The following MAP2K6 variants were observed in gnomAD, a reference collection of about 807,000 sequenced individuals.
MAP2K6 encodes the protein mitogen-activated protein kinase kinase 6, also known as dual specificity mitogen-activated protein kinase kinase 6.
In MAP2K6, 16 loss-of-function variants were observed where a neutral mutation model predicts 53.7. That is an observed-to-expected ratio of 0.30 (90% CI 0.20 to 0.45). The LOEUF (loss-of-function observed/expected upper bound fraction) is 0.45, where lower values mean the gene tolerates loss of function less well. Among genes scored for constraint, MAP2K6 ranks in the 20% least tolerant of loss-of-function variants. The pLI is 1.00. For synonymous variants in MAP2K6, 132 were observed against 143.1 expected (o/e 0.92, Z 0.55); for missense variants, 204 against 411.9 (o/e 0.50, Z 4.37).
chr17:69,483,584 A>G (rs1325272325), intron 1 of MAP2K6, among the ~76,000 whole-genome samples: 1 of 152,098 alleles, frequency 6.6e-6, no homozygotes, highest in African/African-American at 2.4e-5. Flanking sequence ...ACTTCTTTGC[A>G]GAAATTGATA....
At chr17:69,530,783 G>A (rs756571860) in intron 10 of MAP2K6, among the ~76,000 whole-genome samples, 5 of 152,016 alleles carry the variant, frequency 3.3e-5, no homozygotes, top group Admixed American at 6.5e-5. Context: ...AGAACTTTAC[G>A]GAAGCAATTT....
intron 7 of MAP2K6, among the ~76,000 whole-genome samples, chr17:69,523,048 A>G (rs1910563633): frequency 6.6e-6 from 1 of 152,210 alleles, no homozygotes; most frequent in Admixed American, 6.5e-5. Context: ...TGACAGAGTA[A>G]GACCTTATCT....
intron 1 of MAP2K6, among the ~76,000 whole-genome samples, chr17:69,415,554 G>A (rs1424520521): frequency 6.6e-6 from 1 of 152,200 alleles, no homozygotes; most frequent in Non-Finnish European, 1.5e-5. Flanking sequence ...AAGTAAAGGT[G>A]AAGGGTGAAT....
chr17:69,499,920 A>G lies in MAP2K6; in HGVS notation c.17-5860A>G, dbSNP rs993891854. Among the ~76,000 whole-genome samples the G allele has an allele frequency of 2.0e-5, 3 of 152,182 alleles. No individual in the cohort carries two copies. The South Asian group carries it at 6.2e-4, about 32-fold the overall frequency. On this transcript the variant is annotated intron_variant, in intron 1 of 11. Coordinates refer to ENST00000590474, the MANE Select transcript of MAP2K6 (RefSeq NM_002758.4). Reference sequence around the variant, plus strand: ...TCATATTGTGTTGCAGGCTGAGTGTAAGGTGCCAGAATGTGAAAGCAGGAA... The same window carrying G: ...TCATATTGTGTTGCAGGCTGAGTGTGAGGTGCCAGAATGTGAAAGCAGGAA...
chr17:69,536,959 G>T (rs558586906), intron 11 of MAP2K6, among the ~76,000 whole-genome samples: 37 of 152,236 alleles, frequency 2.4e-4, no homozygotes, highest in African/African-American at 8.9e-4. Flanking sequence ...GCATTTGCCT[G>T]TAGCCCCAGC....
intron 1 of MAP2K6, among the ~76,000 whole-genome samples, chr17:69,443,752 T>C (rs1019630470): frequency 6.6e-6 from 1 of 152,118 alleles, no homozygotes; most frequent in Non-Finnish European, 1.5e-5. Context: ...GAGATTCCGA[T>C]AATGCAGAGA....
At chr17:69,432,138 G>A (rs193108487) in intron 1 of MAP2K6, among the ~76,000 whole-genome samples, 18 of 152,304 alleles carry the variant, frequency 1.2e-4, no homozygotes, top group African/African-American at 4.3e-4. Flanking sequence ...GAACGAATAT[G>A]GCTGGTTAGA....
chr17:69,523,702 A>G, intron 8 of MAP2K6, 61 bp downstream of exon 8: 2 of 1,593,724 alleles, frequency 1.3e-6, no homozygotes, highest in Admixed American at 1.7e-5. Context: ...ATGCTGGGAA[A>G]CAAGAAATGG....
At chr17:69,416,805 G>T (rs1478109878) in intron 1 of MAP2K6, among the ~76,000 whole-genome samples, 1 of 151,992 alleles carries the variant, frequency 6.6e-6, no homozygotes, top group Non-Finnish European at 1.5e-5. Flanking sequence ...TTGGGGGATA[G>T]TCAGGAAGGT....
At chr17:69,537,392 A>G (rs1865822910) in intron 11 of MAP2K6, among the ~76,000 whole-genome samples, 1 of 152,196 alleles carries the variant, frequency 6.6e-6, no homozygotes, top group Non-Finnish European at 1.5e-5. Flanking sequence ...ACCCTTTCTT[A>G]CTGGAACACA....
chr17:69,475,827 G>T (rs1324446334), intron 1 of MAP2K6, among the ~76,000 whole-genome samples: 1 of 152,182 alleles, frequency 6.6e-6, no homozygotes, highest in East Asian at 1.9e-4. Flanking sequence ...AACCAATCAT[G>T]ATGGTCCCCT....
chr17:69,436,053 A>G (rs528827646), intron 1 of MAP2K6, among the ~76,000 whole-genome samples: 1 of 152,274 alleles, frequency 6.6e-6, no homozygotes, highest in East Asian at 1.9e-4. Flanking sequence ...TGCCAGCATT[A>G]GATTGTTAGA....
At chr17:69,501,578 G>A (rs1197394717) in intron 1 of MAP2K6, 1 of 152,132 alleles carries the variant, frequency 6.6e-6, no homozygotes, top group Non-Finnish European at 1.5e-5. Context: ...GGTTTCAGAT[G>A]AATTTTGCAA....
chr17:69,485,592 G>A (rs756876105), intron 1 of MAP2K6: 11 of 275,418 alleles, frequency 4.0e-5, no homozygotes, highest in Non-Finnish European at 5.5e-5. Flanking sequence ...AATCTTGGCA[G>A]AACACCCTGT....
rs530134210 is a variant in MAP2K6 at position 69,529,052 on chromosome 17, C to A, written c.881+2343C>A. ...GTGCTTTAGGAAATTTTGGTAAGAACGAGGCTGGTGTGAAAAGTTTGAGAA... is the reference window on the plus strand; with the variant it reads ...GTGCTTTAGGAAATTTTGGTAAGAAAGAGGCTGGTGTGAAAAGTTTGAGAA... On this transcript the variant is annotated intron_variant, in intron 10 of 11. Coordinates refer to ENST00000590474, the MANE Select transcript of MAP2K6 (RefSeq NM_002758.4). Among the ~76,000 whole-genome samples, 3 of 152,040 alleles carry A rather than the reference C, an allele frequency of 2.0e-5. No homozygotes were observed. In the East Asian group the frequency reaches 5.8e-4, roughly 29 times the overall value.
chr17:69,510,123 G>A (rs1284870105), intron 2 of MAP2K6, among the ~76,000 whole-genome samples: 3 of 152,200 alleles, frequency 2.0e-5, no homozygotes, highest in African/African-American at 7.2e-5. Context: ...TGGGATTACA[G>A]GCGCGAGCCA....
At chr17:69,491,287 G>A (rs963722033) in intron 1 of MAP2K6, among the ~76,000 whole-genome samples, 4 of 152,082 alleles carry the variant, frequency 2.6e-5, no homozygotes, top group Non-Finnish European at 5.9e-5. Flanking sequence ...GGGATTACAG[G>A]CACGTGCCAC....
chr17:69,435,371 C>G (rs1017427213), intron 1 of MAP2K6: 7 of 151,800 alleles, frequency 4.6e-5, no homozygotes, highest in Admixed American at 2.0e-4. Context: ...CCCGTCTCTA[C>G]TAAAAATACA....
chr17:69,462,866 G>A (rs543579838), intron 1 of MAP2K6, among the ~76,000 whole-genome samples: 23 of 152,168 alleles, frequency 1.5e-4, no homozygotes, highest in African/African-American at 5.3e-4. Context: ...AGGCTGAGGC[G>A]GGCGGAAAAC....
Sources: gnomAD v4.1 joint callset for allele counts (sites outside exome capture counted in the v4.1 genomes callset) on GRCh38, gnomAD v4.1.1 for gene constraint, MANE v1.5 for transcripts, NCBI Gene and HGNC (gene_info 2026-07-23, HGNC 2026-07-21) for gene names.